The following RBFOX1 variants were observed in gnomAD, a reference collection of about 807,000 sequenced individuals.
The protein encoded by RBFOX1 is RNA binding fox-1 homolog 1.
A neutral mutation model predicts 57.7 loss-of-function variants in RBFOX1; 8 were observed. That is an observed-to-expected ratio of 0.14 (90% confidence interval 0.08 to 0.25). The LOEUF (loss-of-function observed/expected upper bound fraction) is 0.25. Among genes scored for constraint, RBFOX1 ranks in the 10% least tolerant of loss-of-function variants. The probability of loss-of-function intolerance (pLI) is 1.00; values close to 1 mark genes in which losing one functional copy is unlikely to be tolerated. For synonymous variants in RBFOX1, 326 were observed against 222.4 expected (o/e 1.47, Z -4.15); for missense variants, 611 against 548.5 (o/e 1.11, Z -1.14).
intron 3 of RBFOX1, among the ~76,000 whole-genome samples, chr16:5,790,258 CTGGG>C (rs2054644510): frequency 1.3e-5 from 2 of 152,170 alleles, no homozygotes; most frequent in South Asian, 4.1e-4. Context: ...GGCCTGTGAG[CTGGG>C]AAGTGGAGCC....
At chr16:6,336,619 A>C (rs1051196089) in intron 2 of RBFOX1, among the ~76,000 whole-genome samples, 4 of 152,142 alleles carry the variant, frequency 2.6e-5, no homozygotes, top group Admixed American at 2.6e-4. Flanking sequence ...ACCACCCGGG[A>C]GAACTTTGCC....
intron 2 of RBFOX1, among the ~76,000 whole-genome samples, chr16:6,546,002 A>C (rs1224449240): frequency 6.6e-6 from 1 of 152,238 alleles, no homozygotes; most frequent in Non-Finnish European, 1.5e-5. Flanking sequence ...TGGAAGAAGA[A>C]GAATTGTCTT....
chr16:5,258,672 C>G (rs138660619), intron 1 of RBFOX1, among the ~76,000 whole-genome samples: 146 of 152,326 alleles, frequency 9.6e-4, no homozygotes, highest in African/African-American at 3.4e-3. Flanking sequence ...AATCCCAGCA[C>G]TTTGGGAGGC....
intron 2 of RBFOX1, among the ~76,000 whole-genome samples, chr16:6,560,156 A>C (rs1367252210): frequency 7.0e-6 from 1 of 142,318 alleles, no homozygotes; most frequent in South Asian, 2.3e-4. Flanking sequence ...CATGGTAATC[A>C]ATTCGTTTGC....
At chr16:5,783,664 C>T (rs188339889) in intron 3 of RBFOX1, among the ~76,000 whole-genome samples, 2 of 152,314 alleles carry the variant, frequency 1.3e-5, no homozygotes, top group African/African-American at 4.8e-5. Flanking sequence ...ACCCCAGGCA[C>T]ATTTCCCTTG....
At chr16:6,637,961 T>C (rs2098458797) in intron 2 of RBFOX1, among the ~76,000 whole-genome samples, 1 of 152,130 alleles carries the variant, frequency 6.6e-6, no homozygotes, top group African/African-American at 2.4e-5. Context: ...TATATTAGCC[T>C]TCATAATTTT....
chr16:6,785,456 C>G (rs1189202229), intron 3 of RBFOX1, among the ~76,000 whole-genome samples: 1 of 152,124 alleles, frequency 6.6e-6, no homozygotes, highest in Non-Finnish European at 1.5e-5. Flanking sequence ...AGAATCTAGA[C>G]TAGACAATTG....
At chr16:5,360,128 T>G (rs898260380) in intron 1 of RBFOX1, among the ~76,000 whole-genome samples, 1 of 152,242 alleles carries the variant, frequency 6.6e-6, no homozygotes, top group African/African-American at 2.4e-5. Context: ...GAGACAGTTC[T>G]GGATGTTGCT....
chr16:7,370,494 G>T (rs546428341), intron 4 of RBFOX1, among the ~76,000 whole-genome samples: 11 of 152,192 alleles, frequency 7.2e-5, no homozygotes, highest in African/African-American at 2.6e-4. Flanking sequence ...GGTAAGTTCT[G>T]TCTCCCTCAC....
At chr16:5,375,973 C>T (rs1388855984) in intron 1 of RBFOX1, among the ~76,000 whole-genome samples, 2 of 151,980 alleles carry the variant, frequency 1.3e-5, no homozygotes, top group Non-Finnish European at 2.9e-5. Context: ...CTGAGACCAG[C>T]CTGGCCAACG....
At chr16:5,962,184 A>G (rs1353679565) in intron 4 of RBFOX1, among the ~76,000 whole-genome samples, 1 of 152,216 alleles carries the variant, frequency 6.6e-6, no homozygotes, top group Non-Finnish European at 1.5e-5. Flanking sequence ...ACTCATATAT[A>G]GTTGGTCAAA....
At chr16:6,302,214 G>C (rs934041952) in intron 1 of RBFOX1, among the ~76,000 whole-genome samples, 2 of 151,860 alleles carry the variant, frequency 1.3e-5, no homozygotes, top group Admixed American at 6.6e-5. Flanking sequence ...ATGGTTACCT[G>C]AGGTGGCCCC....
At position 7,495,211 on chromosome 16, in the gene RBFOX1, T is replaced by C. The variant is rs562492353; in HGVS notation, c.28-22936T>C. Among the ~76,000 whole-genome samples the C allele has an allele frequency of 2.6e-5, 4 of 152,230 alleles. No individual in the cohort carries two copies. In the South Asian group the frequency reaches 8.3e-4, roughly 32 times the overall value. On this transcript the variant is annotated intron_variant, in intron 4 of 15. Coordinates refer to ENST00000550418, the MANE Select transcript of RBFOX1 (RefSeq NM_018723.4). ...GATATACCACATTTTCTTTATCCAG[T>C]CCACCGCTGATACACACCTAGGCTA...
intron 4 of RBFOX1, among the ~76,000 whole-genome samples, chr16:5,982,764 C>G (rs1349455724): frequency 6.6e-6 from 1 of 152,188 alleles, no homozygotes; most frequent in Non-Finnish European, 1.5e-5. Flanking sequence ...CCTTACAGAA[C>G]TTACTAGAAA....
At chr16:7,106,505 G>A (rs988948367) in intron 4 of RBFOX1, among the ~76,000 whole-genome samples, 1 of 152,020 alleles carries the variant, frequency 6.6e-6, no homozygotes, top group African/African-American at 2.4e-5. Context: ...TAATTCAGTA[G>A]GTCATTAATT....
chr16:7,322,180 C>A (rs992886512), intron 4 of RBFOX1, among the ~76,000 whole-genome samples: 3 of 152,214 alleles, frequency 2.0e-5, no homozygotes, highest in Non-Finnish European at 4.4e-5. Flanking sequence ...GAGAAGCCAT[C>A]TCCTGTTCTG....
intron 2 of RBFOX1, among the ~76,000 whole-genome samples, chr16:6,507,969 C>T (rs556184200): frequency 8.5e-5 from 13 of 152,098 alleles, no homozygotes; most frequent in African/African-American, 3.1e-4. Context: ...AACCTAAATG[C>T]CCATCAATGA....
intron 4 of RBFOX1, among the ~76,000 whole-genome samples, chr16:7,473,543 C>A (rs78237441): frequency 6.7e-6 from 1 of 149,658 alleles, no homozygotes; most frequent in African/African-American, 2.4e-5. Context: ...AGGACCTTGA[C>A]TATAGTAGTA....
intron 2 of RBFOX1, among the ~76,000 whole-genome samples, chr16:6,524,600 A>T (rs920421021): frequency 1.1e-4 from 17 of 152,098 alleles, no homozygotes; most frequent in African/African-American, 3.9e-4. Flanking sequence ...CCTGTGGAGG[A>T]TTGTGTTTGT....
Sources: allele counts gnomAD v4.1 joint callset (sites outside exome capture counted in the v4.1 genomes callset), GRCh38; gene constraint gnomAD v4.1.1; transcripts MANE v1.5; gene names NCBI Gene and HGNC (gene_info 2026-07-23, HGNC 2026-07-21).